Variants in CAMK1D observed in about 807,000 individuals in gnomAD.
The protein encoded by CAMK1D is calcium/calmodulin dependent protein kinase ID.
In CAMK1D, 9 loss-of-function variants were observed where a neutral mutation model predicts 47.7. The ratio of observed to expected loss-of-function variants is 0.19; its 90% CI spans 0.11 to 0.33. The LOEUF (loss-of-function observed/expected upper bound fraction) is 0.33. Ranked by LOEUF, CAMK1D falls within the 10% of genes least tolerant of loss-of-function variation. The pLI is 1.00. For synonymous variants in CAMK1D, 184 were observed against 184.9 expected, an observed-to-expected ratio of 0.99 and a Z score of 0.04; for missense variants, 291 against 488.7, an observed-to-expected ratio of 0.60 and a Z score of 3.81.
rs72771790 is a variant in CAMK1D, at chr10:12,716,852, C to T, written c.300-44096C>T. On this transcript the variant is annotated intron_variant, in intron 3 of 10. Transcript: ENST00000619168. ...TAGAGGCCAGGCTGGTACCATCACC[C>T]GCGGCCTGGCTGTCGGGACTCTCTT... is the stretch of plus-strand genomic sequence containing the variant. Among the ~76,000 whole-genome samples the T allele has an allele frequency of 3.1e-3, 465 of 152,136 alleles. 1 individual carries two copies. Among genetic ancestry groups the T allele is most frequent in the Admixed American group, 4.4e-3 (68 of 15,282 alleles).
chr10:12,468,714 C>T (rs2724799), intron 1 of CAMK1D, among the ~76,000 whole-genome samples: 51,879 of 151,976 alleles, frequency 0.34, 9,240 homozygotes, highest in African/African-American at 0.41. Context: ...ATGTGATGGG[C>T]GGACGTGGAG....
At chr10:12,354,624 A>G (rs1446500469) in intron 1 of CAMK1D, among the ~76,000 whole-genome samples, 1 of 151,342 alleles carries the variant, frequency 6.6e-6, no homozygotes, top group Non-Finnish European at 1.5e-5. Context: ...TTTGGCCAAG[A>G]CGGTCTCGAT....
intron 2 of CAMK1D, among the ~76,000 whole-genome samples, chr10:12,620,929 A>G (rs750038188): frequency 6.6e-6 from 1 of 152,070 alleles, no homozygotes; most frequent in Non-Finnish European, 1.5e-5. Context: ...ACCCATTTTG[A>G]GTTAATTTTT....
chr10:12,560,924 T>A (rs56060080), intron 2 of CAMK1D, among the ~76,000 whole-genome samples: 1 of 151,612 alleles, frequency 6.6e-6, no homozygotes, highest in Non-Finnish European at 1.5e-5. Flanking sequence ...TTCTTTCTTT[T>A]TTTTTTTGAG....
intron 6 of CAMK1D, among the ~76,000 whole-genome samples, chr10:12,802,805 T>C (rs111645179): frequency 0.089 from 13,478 of 152,114 alleles, 877 homozygotes; most frequent in African/African-American, 0.18. Flanking sequence ...CAGGCGTGAG[T>C]CCCCGCCCCC....
In CAMK1D at chr10:12,678,827, A is replaced by T. The variant is rs142460253; in HGVS notation, c.299+12017A>T. ...AGTCTCACACTGTCACCCAGGCTGC[A>T]TCTTGGCTTGCTGCAACCTCCGCCT... On this transcript the variant is annotated intron_variant, in intron 3 of 10. Coordinates refer to ENST00000619168, the MANE Select transcript of CAMK1D (RefSeq NM_153498.4). Among the ~76,000 whole-genome samples, 736 of 152,102 alleles carry T rather than the reference A, an allele frequency of 4.8e-3. 4 individuals are homozygous for T. Among genetic ancestry groups the T allele is most frequent in the African/African-American group, 0.017 (714 of 41,480 alleles).
intron 5 of CAMK1D, among the ~76,000 whole-genome samples, chr10:12,770,730 G>A (rs1836999505): frequency 1.3e-5 from 2 of 152,092 alleles, no homozygotes; most frequent in South Asian, 4.2e-4. Flanking sequence ...AGGAGACTTG[G>A]GCCTTGGTCT....
rs77902893 is a variant in CAMK1D at position 12,382,354 on chromosome 10, A to G, written c.92+32444A>G. Among the ~76,000 whole-genome samples, 654 of 152,204 alleles carry G rather than the reference A, an allele frequency of 4.3e-3. 10 individuals are homozygous for G. In the East Asian group the frequency reaches 0.057, roughly 13 times the overall value. On this transcript the variant is annotated intron_variant, in intron 1 of 10. Coordinates refer to ENST00000619168, the MANE Select transcript of CAMK1D (RefSeq NM_153498.4). ...TGTATGTGAAATCCTTATGGTATGC[A>G]TCACACTTGTTTATACTAGATGATA...
intron 6 of CAMK1D, among the ~76,000 whole-genome samples, chr10:12,810,150 T>TAAA (rs1832540171): frequency 2.1e-5 from 1 of 46,726 alleles, no homozygotes; most frequent in African/African-American, 1.9e-4. Flanking sequence ...CCCTGTCTCA[T>TAAA]TAAAAAAAAA....
At chr10:12,808,869 C>A (rs1305068339) in intron 6 of CAMK1D, among the ~76,000 whole-genome samples, 2 of 152,016 alleles carry the variant, frequency 1.3e-5, no homozygotes, top group East Asian at 3.9e-4. Context: ...GTAATCCCAG[C>A]ACTTTGGGAG....
chr10:12,630,855 G>C (rs1227047879), intron 2 of CAMK1D, among the ~76,000 whole-genome samples: 1 of 152,148 alleles, frequency 6.6e-6, no homozygotes, highest in African/African-American at 2.4e-5. Flanking sequence ...GCCATTTTTA[G>C]GGTGGGAGGC....
intron 1 of CAMK1D, among the ~76,000 whole-genome samples, chr10:12,439,277 C>T (rs1009278386): frequency 1.4e-4 from 21 of 152,296 alleles, no homozygotes; most frequent in Non-Finnish European, 1.8e-4. Context: ...GAGCCCTGAG[C>T]AGTTGTTTGT....
At chr10:12,723,226 A>G (rs1834473912) in intron 3 of CAMK1D, among the ~76,000 whole-genome samples, 1 of 152,146 alleles carries the variant, frequency 6.6e-6, no homozygotes, top group South Asian at 2.1e-4. Flanking sequence ...AGTTTGGGAG[A>G]ATTGAGATTT....
intron 1 of CAMK1D, among the ~76,000 whole-genome samples, chr10:12,416,174 CA>C (rs896937348): frequency 1.3e-4 from 19 of 151,698 alleles, no homozygotes; most frequent in African/African-American, 4.1e-4. Flanking sequence ...TTAGCATCTA[CA>C]TTTTTTTTAG....
chr10:12,485,947 C>G (rs1295703545), intron 1 of CAMK1D, among the ~76,000 whole-genome samples: 1 of 152,140 alleles, frequency 6.6e-6, no homozygotes, highest in African/African-American at 2.4e-5. Context: ...CCATGTCACC[C>G]AGACGGCCTG....
At position 12,787,864 on chromosome 10, in the gene CAMK1D, G is replaced by A. The variant is rs1053871312; in HGVS notation, c.566-3294G>A. 2.4e-4 allele frequency among the ~76,000 whole-genome samples: 36 copies of A among 152,182 alleles called. 1 individual carries two copies. The highest frequency in any genetic ancestry group is 8.4e-4 in the African/African-American group (35 of 41,434). ...AAAATACAAAAATTAGCCGGGCCTG[G>A]TGGTGCACGCCTGTAATCCCAGCTA... is the stretch of plus-strand genomic sequence containing the variant. On this transcript the variant is annotated intron_variant, in intron 5 of 10. Coordinates refer to ENST00000619168, the MANE Select transcript of CAMK1D (RefSeq NM_153498.4).
chr10:12,547,716 A>G (rs1225734276), intron 1 of CAMK1D, among the ~76,000 whole-genome samples: 3 of 130,326 alleles, frequency 2.3e-5, no homozygotes, highest in African/African-American at 2.8e-5. Flanking sequence ...GTGTTATGTA[A>G]TTACATAGAA....
intron 1 of CAMK1D, among the ~76,000 whole-genome samples, chr10:12,350,945 T>C (rs1837337066): frequency 6.6e-6 from 1 of 150,474 alleles, no homozygotes; most frequent in Non-Finnish European, 1.5e-5. Context: ...AAAGGGGAGC[T>C]ATTTCATGGG....
chr10:12,470,456 T>C (rs1474546758), intron 1 of CAMK1D, among the ~76,000 whole-genome samples: 2 of 152,214 alleles, frequency 1.3e-5, no homozygotes, highest in Non-Finnish European at 2.9e-5. Context: ...TTTACCCATA[T>C]TGTAAATTTT....
Sources: allele counts gnomAD v4.1 joint callset (sites outside exome capture counted in the v4.1 genomes callset), GRCh38; gene constraint gnomAD v4.1.1; transcripts MANE v1.5; gene names NCBI Gene and HGNC (gene_info 2026-07-23, HGNC 2026-07-21).